KCNMA1: variants seen among roughly 807,000 people sequenced by gnomAD.
KCNMA1 encodes potassium calcium-activated channel subfamily M alpha 1, also known as Calcium-activated potassium channel subunit alpha-1.
Under a neutral mutation model 140.0 loss-of-function variants are expected in KCNMA1, and 29 were observed. The observed-to-expected ratio is 0.21, with a 90% CI of 0.15 to 0.28. The LOEUF (loss-of-function observed/expected upper bound fraction) is 0.28, where lower values mean the gene tolerates loss of function less well. KCNMA1 is among the 10% of genes least tolerant of loss of function. The pLI is 1.00. For missense variants in KCNMA1, 880 were observed against 1,602.2 expected (o/e 0.55, Z 7.70); for synonymous variants, 612 against 611.9 (o/e 1.00, Z 0.00).
chr10:77,362,344 T>TC (rs1220056300), intron 2 of KCNMA1, among the ~76,000 whole-genome samples: 47 of 29,092 alleles, frequency 1.6e-3, no homozygotes, highest in African/African-American at 3.9e-3. Context: ...CCACCCCCTA[T>TC]CCCCCCCCAC....
intron 16 of KCNMA1, chr10:77,022,835 C>T (rs1565598787): frequency 3.0e-6 from 1 of 329,986 alleles, no homozygotes; most frequent in South Asian, 2.3e-5. Flanking sequence ...AAAGGAGTGA[C>T]CACACCTCTG....
intron 1 of KCNMA1, among the ~76,000 whole-genome samples, chr10:77,550,523 C>T (rs1413200055): frequency 1.3e-5 from 2 of 152,144 alleles, no homozygotes; most frequent in African/African-American, 4.8e-5. Flanking sequence ...GTCAGTGTGC[C>T]TGTCTCAGCT....
At chr10:76,892,436 T>C (rs1450574628) in intron 25 of KCNMA1, among the ~76,000 whole-genome samples, 3 of 152,052 alleles carry the variant, frequency 2.0e-5, no homozygotes, top group Non-Finnish European at 4.4e-5. Flanking sequence ...AATGGGAGTT[T>C]AAAAAAAATT....
At chr10:77,078,704 C>T (rs1005191122) in intron 13 of KCNMA1, among the ~76,000 whole-genome samples, 59 of 152,182 alleles carry the variant, frequency 3.9e-4, no homozygotes, top group Non-Finnish European at 7.3e-4. Flanking sequence ...GCTAAATCCC[C>T]GAGGACACAA....
At chr10:77,018,954 G>T in intron 17 of KCNMA1, 59 bp downstream of exon 17, 1 of 929,128 alleles carries the variant, frequency 1.1e-6, no homozygotes, top group Non-Finnish European at 1.8e-6. Context: ...GCCTACTTCC[G>T]TGGGTCAAGG....
intron 1 of KCNMA1, among the ~76,000 whole-genome samples, chr10:77,488,653 C>G (rs975939103): frequency 7.2e-5 from 11 of 152,168 alleles, no homozygotes; most frequent in African/African-American, 1.2e-4. Flanking sequence ...AACCGCCCAA[C>G]TCTGGCCCCT....
At chr10:77,205,453 T>C (rs2043778440) in intron 3 of KCNMA1, among the ~76,000 whole-genome samples, 2 of 152,158 alleles carry the variant, frequency 1.3e-5, no homozygotes, top group East Asian at 1.9e-4. Flanking sequence ...TAAGAATACA[T>C]AGATGAAGAG....
intron 6 of KCNMA1, among the ~76,000 whole-genome samples, chr10:77,119,440 C>G (rs1372925117): frequency 6.6e-6 from 1 of 152,080 alleles, no homozygotes; most frequent in East Asian, 1.9e-4. Flanking sequence ...CCATCCCTAC[C>G]AAAAAAGTAA....
At chr10:76,946,105 C>T (rs2063865695) in intron 22 of KCNMA1, among the ~76,000 whole-genome samples, 1 of 152,048 alleles carries the variant, frequency 6.6e-6, no homozygotes, top group Admixed American at 6.5e-5. Flanking sequence ...ATCCCAGATC[C>T]AGGAAGTAAC....
intron 1 of KCNMA1, chr10:77,636,099 C>T (rs1329612314): frequency 2.7e-6 from 2 of 745,730 alleles, no homozygotes; most frequent in African/African-American, 3.5e-5. Context: ...TGTATCTACC[C>T]TGCACTATTC....
At chr10:77,205,505 AG>A (rs2043790354) in intron 3 of KCNMA1, among the ~76,000 whole-genome samples, 1 of 152,210 alleles carries the variant, frequency 6.6e-6, no homozygotes, top group Non-Finnish European at 1.5e-5. Context: ...CTCCTTGGAG[AG>A]TAACTTATCT....
chr10:77,279,106 C>T (rs1022481546), intron 2 of KCNMA1, among the ~76,000 whole-genome samples: 13 of 152,142 alleles, frequency 8.5e-5, no homozygotes, highest in African/African-American at 3.1e-4. Context: ...ACTGGGACAG[C>T]AAAGCTGAAG....
intron 12 of KCNMA1, among the ~76,000 whole-genome samples, chr10:77,081,972 T>C (rs1280985522): frequency 6.8e-6 from 1 of 147,362 alleles, no homozygotes; most frequent in Non-Finnish European, 1.5e-5. Flanking sequence ...ACATTTCTGA[T>C]ACTACCTTTG....
At chr10:77,454,383 A>G (rs564002170) in intron 1 of KCNMA1, among the ~76,000 whole-genome samples, 5 of 152,300 alleles carry the variant, frequency 3.3e-5, no homozygotes, top group African/African-American at 4.8e-5. Context: ...AAGAGAGAGA[A>G]AAAAAACAGA....
At position 77,332,680 on chromosome 10, in the gene KCNMA1, G is replaced by A. The variant is rs1400590614; in HGVS notation, c.540+71182C>T. Among the ~76,000 whole-genome samples the A allele has an allele frequency of 2.6e-5, 4 of 152,174 alleles. No individual in the cohort carries two copies. In the East Asian group the frequency reaches 5.8e-4, roughly 22 times the overall value. ...AGCTAGGAGGGTTTTGCAGTGGTAG[G>A]GAACTAGCAGTACACTTGAACACAT... On this transcript the variant is annotated intron_variant, in intron 2 of 27. Coordinates refer to ENST00000286628, the MANE Select transcript of KCNMA1 (RefSeq NM_001161352.2).
At chr10:77,013,073 G>T (rs11001969) in intron 17 of KCNMA1, among the ~76,000 whole-genome samples, 1 of 152,192 alleles carries the variant, frequency 6.6e-6, no homozygotes, top group African/African-American at 2.4e-5. Flanking sequence ...CTGAATGCCA[G>T]CTATGAACAT....
intron 2 of KCNMA1, among the ~76,000 whole-genome samples, chr10:77,354,842 G>A (rs1375739187): frequency 6.6e-6 from 1 of 152,182 alleles, no homozygotes; most frequent in African/African-American, 2.4e-5. Context: ...TTATGTCTTG[G>A]AGCTATATAG....
At chr10:77,637,103 T>G in intron 1 of KCNMA1, 162 bp downstream of exon 1, 1 of 1,282,776 alleles carries the variant, frequency 7.8e-7, no homozygotes, top group Non-Finnish European at 1.0e-6. Context: ...GCTGCCCCGA[T>G]CCGAGAGCAC....
At chr10:77,496,414 G>C (rs2041935496) in intron 1 of KCNMA1, among the ~76,000 whole-genome samples, 1 of 152,112 alleles carries the variant, frequency 6.6e-6, no homozygotes, top group Admixed American at 6.6e-5. Flanking sequence ...GGCTAACATG[G>C]TGAAACCCCG....
Sources: allele counts gnomAD v4.1 joint callset (sites outside exome capture counted in the v4.1 genomes callset), GRCh38; gene constraint gnomAD v4.1.1; transcripts MANE v1.5; gene names NCBI Gene and HGNC (gene_info 2026-07-23, HGNC 2026-07-21).